FILIP1: variants seen among roughly 807,000 people sequenced by gnomAD.
FILIP1 encodes filamin-A-interacting protein 1.
A neutral mutation model predicts 102.1 loss-of-function variants in FILIP1; 61 were observed. The ratio of observed to expected loss-of-function variants is 0.60; its 90% CI spans 0.49 to 0.74. The LOEUF is 0.74. Ranked by LOEUF, FILIP1 falls within the 30% of genes least tolerant of loss-of-function variation. The pLI is 0.00. For synonymous variants in FILIP1, 491 were observed against 526.9 expected (o/e 0.93, Z 0.93); for missense variants, 1,314 against 1,441.2 (o/e 0.91, Z 1.43).
At chr6:75,435,242 G>A (rs779442901) in intron 1 of FILIP1, among the ~76,000 whole-genome samples, 7 of 151,920 alleles carry the variant, frequency 4.6e-5, no homozygotes, top group Non-Finnish European at 8.8e-5. Context: ...TTAAAAAATC[G>A]AAAAAGTACT....
chr6:75,442,909 A>C (rs145919539), intron 1 of FILIP1, among the ~76,000 whole-genome samples: 351 of 152,352 alleles, frequency 2.3e-3, no homozygotes, highest in African/African-American at 7.9e-3. Context: ...AGGACCAATG[A>C]GTTCTCAGAA....
chr6:75,342,437 A>G (rs1774445072), intron 4 of FILIP1, among the ~76,000 whole-genome samples: 1 of 152,194 alleles, frequency 6.6e-6, no homozygotes, highest in Admixed American at 6.5e-5. Flanking sequence ...AATGATCTTC[A>G]TTTTTCTGAA....
Position 75,312,852 on chromosome 6 carries a change from T to C in FILIP1, c.2980A>G (p.Ser994Gly), listed in dbSNP as rs1773257129. ...CTGTCTGCAAATGCGCCTCTTCCAC[T>C]TTCTGGAGTCTTCTCTCTGGAAAAT... is the stretch of plus-strand genomic sequence containing the variant. ...TTFSREKTPE[S>G]GRGAFADRPT... is the part of the protein sequence containing the mutation. Residue 994 changes from serine (S) to glycine (G), a missense_variant, in exon 5 of 6, where the codon AGT (serine) becomes GGT (glycine). Around this residue, in one of 3 missense-constraint regions of FILIP1, gnomAD observed 816 missense variants for 913.1 expected, o/e 0.89. Coordinates refer to ENST00000237172, the MANE Select transcript of FILIP1 (RefSeq NM_015687.5). 9 of 1,614,096 alleles carry C rather than the reference T, an allele frequency of 5.6e-6. No homozygotes were observed. The East Asian group carries it at 2.0e-4, about 36-fold the overall frequency.
chr6:75,355,803 T>G (rs1774975102), intron 3 of FILIP1, among the ~76,000 whole-genome samples: 1 of 152,220 alleles, frequency 6.6e-6, no homozygotes, highest in Non-Finnish European at 1.5e-5. Flanking sequence ...TCAGTAAGTG[T>G]TTGTTAAATT....
intron 6 of FILIP1, among the ~76,000 whole-genome samples, chr6:75,301,886 T>C (rs1358537415): frequency 6.6e-6 from 1 of 152,184 alleles, no homozygotes; most frequent in South Asian, 2.1e-4. Context: ...TTCACCCTGA[T>C]ATCTATCCTA....
At chr6:75,408,236 G>A (rs952634964) in intron 2 of FILIP1, among the ~76,000 whole-genome samples, 74 of 152,168 alleles carry the variant, frequency 4.9e-4, no homozygotes, top group Middle Eastern at 3.2e-3. Flanking sequence ...CAGGCCATGC[G>A]GGCCAGTCAT....
intron 1 of FILIP1, among the ~76,000 whole-genome samples, chr6:75,438,924 AG>A (rs1778112422): frequency 6.6e-6 from 1 of 152,206 alleles, no homozygotes; most frequent in South Asian, 2.1e-4. Context: ...TTAAGAAACT[AG>A]AAAGATTTTG....
chr6:75,416,466 T>G (rs1445984861), intron 1 of FILIP1, among the ~76,000 whole-genome samples: 1 of 152,026 alleles, frequency 6.6e-6, no homozygotes, highest in Admixed American at 6.6e-5. Context: ...CTTTTGGGTT[T>G]CCCTAGTCAA....
chr6:75,309,630 C>A (rs1033790764), intron 5 of FILIP1, among the ~76,000 whole-genome samples: 26 of 152,166 alleles, frequency 1.7e-4, no homozygotes, highest in African/African-American at 4.6e-4. Flanking sequence ...TTCCCAACTA[C>A]TCACTGGACA....
chr6:75,442,754 G>C (rs1778313402), intron 1 of FILIP1, among the ~76,000 whole-genome samples: 1 of 152,098 alleles, frequency 6.6e-6, no homozygotes. Flanking sequence ...GGGAGAGGGA[G>C]AGGGAGAGGG....
At chr6:75,323,120 C>T (rs1323634173) in intron 4 of FILIP1, among the ~76,000 whole-genome samples, 1 of 151,890 alleles carries the variant, frequency 6.6e-6, no homozygotes, top group Non-Finnish European at 1.5e-5. Flanking sequence ...TATTTTTTGC[C>T]ATTTAGAAAA....
chr6:75,392,330 C>A (rs918319757), intron 2 of FILIP1, among the ~76,000 whole-genome samples: 19 of 152,132 alleles, frequency 1.2e-4, no homozygotes, highest in African/African-American at 4.3e-4. Flanking sequence ...TCCCTGAACT[C>A]TAGACTCATA....
intron 1 of FILIP1, among the ~76,000 whole-genome samples, chr6:75,424,075 A>G (rs181746182): frequency 4.7e-4 from 72 of 152,312 alleles, no homozygotes; most frequent in Non-Finnish European, 8.5e-4. Flanking sequence ...TATACTTCTT[A>G]TAAGGAAAAT....
chr6:75,328,786 C>G (rs1485852474), intron 4 of FILIP1, among the ~76,000 whole-genome samples: 1 of 152,134 alleles, frequency 6.6e-6, no homozygotes, highest in African/African-American at 2.4e-5. Flanking sequence ...CCGTGCCCAG[C>G]TAATAATGTT....
intron 2 of FILIP1, among the ~76,000 whole-genome samples, chr6:75,400,084 T>C (rs748940948): frequency 2.0e-5 from 3 of 151,824 alleles, no homozygotes; most frequent in Admixed American, 6.6e-5. Flanking sequence ...GTGGAAAAAA[T>C]AGGTAAAGTG....
intron 2 of FILIP1, among the ~76,000 whole-genome samples, chr6:75,368,411 T>C (rs1396998595): frequency 1.3e-5 from 2 of 152,206 alleles, no homozygotes; most frequent in Non-Finnish European, 2.9e-5. Flanking sequence ...CAATAAATAT[T>C]TGCACACATT....
chr6:75,375,947 CA>C (rs1310520143), intron 2 of FILIP1, among the ~76,000 whole-genome samples: 1 of 152,122 alleles, frequency 6.6e-6, no homozygotes, highest in Non-Finnish European at 1.5e-5. Context: ...TTTACTTTTA[CA>C]AAAAAATCAG....
intron 4 of FILIP1, among the ~76,000 whole-genome samples, chr6:75,351,955 G>C (rs1774824716): frequency 6.6e-6 from 1 of 152,186 alleles, no homozygotes; most frequent in Non-Finnish European, 1.5e-5. Context: ...CATGAAGCTA[G>C]TTAACCTTAG....
intron 5 of FILIP1, among the ~76,000 whole-genome samples, chr6:75,309,981 C>G (rs561960642): frequency 3.3e-5 from 5 of 152,344 alleles, no homozygotes; most frequent in African/African-American, 1.2e-4. Context: ...GATCATCACC[C>G]TTTCAGTGGC....
Sources: allele counts gnomAD v4.1 joint callset (sites outside exome capture counted in the v4.1 genomes callset), GRCh38; gene constraint gnomAD v4.1.1; regional missense constraint gnomAD v4.1.1; transcripts MANE v1.5; gene names NCBI Gene and HGNC (gene_info 2026-07-23, HGNC 2026-07-21).